NPSR1: variants seen among roughly 807,000 people sequenced by gnomAD.
NPSR1 encodes the protein neuropeptide S receptor 1.
A neutral mutation model predicts 46.9 loss-of-function variants in NPSR1; 48 were observed. The ratio of observed to expected loss-of-function variants is 1.02; its 90% CI spans 0.81 to 1.30. The LOEUF (loss-of-function observed/expected upper bound fraction) is 1.30. Among genes scored for constraint, NPSR1 ranks in the 50% most tolerant of loss-of-function variants. NPSR1 has a pLI of 0.00. For synonymous variants in NPSR1, 176 were observed against 168.1 expected (o/e 1.05, Z -0.36); for missense variants, 450 against 449.5 (o/e 1.00, Z -0.01).
At chr7:34,750,925 C>T (rs999248417) in intron 2 of NPSR1, 3 of 742,012 alleles carry the variant, frequency 4.0e-6, no homozygotes, top group Non-Finnish European at 7.5e-6. Flanking sequence ...ACCCCCAGCT[C>T]GGGGTCTGAC....
chr7:34,809,532 C>T (rs1260452470), intron 3 of NPSR1, among the ~76,000 whole-genome samples: 1 of 145,656 alleles, frequency 6.9e-6, no homozygotes, highest in South Asian at 2.2e-4. Flanking sequence ...GGCGCAATCT[C>T]GGCTCACTGC....
intron 8 of NPSR1, among the ~76,000 whole-genome samples, chr7:34,857,456 C>T (rs1190686225): frequency 6.6e-6 from 1 of 151,650 alleles, no homozygotes; most frequent in Non-Finnish European, 1.5e-5. Flanking sequence ...GAAAGATGCC[C>T]ACATATAGGT....
chr7:34,671,698 T>C (rs1283031612), intron 1 of NPSR1, among the ~76,000 whole-genome samples: 11 of 152,224 alleles, frequency 7.2e-5, no homozygotes, highest in Non-Finnish European at 2.9e-5. Flanking sequence ...TTCCAGACTC[T>C]GTAGCAGGAA....
intron 2 of NPSR1, among the ~76,000 whole-genome samples, chr7:34,726,599 G>C (rs1484099061): frequency 6.6e-6 from 1 of 152,066 alleles, no homozygotes; most frequent in Non-Finnish European, 1.5e-5. Flanking sequence ...GCCAAAACTT[G>C]GAAGCAACCA....
intron 2 of NPSR1, among the ~76,000 whole-genome samples, chr7:34,745,457 T>C (rs949742219): frequency 2.6e-5 from 4 of 152,200 alleles, no homozygotes; most frequent in African/African-American, 4.8e-5. Context: ...ATCTAGTCAA[T>C]TAGAGAATTC....
intron 1 of NPSR1, among the ~76,000 whole-genome samples, chr7:34,682,576 T>C (rs1472181705): frequency 2.6e-5 from 4 of 152,118 alleles, no homozygotes; most frequent in African/African-American, 9.7e-5. Flanking sequence ...GTCCTCCAAA[T>C]TCAAATCACT....
At chr7:34,864,027 G>C (rs1448122987) in intron 8 of NPSR1, among the ~76,000 whole-genome samples, 2 of 151,742 alleles carry the variant, frequency 1.3e-5, no homozygotes, top group Non-Finnish European at 2.9e-5. Context: ...ATACACCATA[G>C]AATACTATGC....
intron 8 of NPSR1, among the ~76,000 whole-genome samples, chr7:34,856,920 A>C (rs1260458185): frequency 1.3e-5 from 2 of 151,518 alleles, no homozygotes; most frequent in East Asian, 1.9e-4. Context: ...TGGGGGGGGA[A>C]ATCTCTTCTA....
intron 5 of NPSR1, 85 bp downstream of exon 5, chr7:34,827,687 A>C: frequency 2.2e-6 from 2 of 889,412 alleles, no homozygotes; most frequent in African/African-American, 1.6e-5. Flanking sequence ...CTCCTCCCCA[A>C]CAGACCCATT....
At chr7:34,746,893 G>A (rs767951690) in intron 2 of NPSR1, among the ~76,000 whole-genome samples, 20 of 152,230 alleles carry the variant, frequency 1.3e-4, no homozygotes, top group Non-Finnish European at 2.6e-4. Context: ...TTGGGAGGCC[G>A]AGGCAGGTGG....
At chr7:34,812,731 T>C (rs894142692) in intron 4 of NPSR1, among the ~76,000 whole-genome samples, 16 of 152,202 alleles carry the variant, frequency 1.1e-4, no homozygotes, top group Admixed American at 1.0e-3. Flanking sequence ...AAAGCCATTG[T>C]TTAGCAACCT....
At chr7:34,863,442 C>A (rs1017399164) in intron 8 of NPSR1, among the ~76,000 whole-genome samples, 2 of 151,724 alleles carry the variant, frequency 1.3e-5, no homozygotes, top group Non-Finnish European at 2.9e-5. Flanking sequence ...AGTGAACAGG[C>A]AACCTACAGA....
intron 8 of NPSR1, among the ~76,000 whole-genome samples, chr7:34,877,268 G>A (rs985782258): frequency 3.9e-5 from 6 of 152,158 alleles, no homozygotes; most frequent in South Asian, 2.1e-4. Flanking sequence ...GGGTGTGGGG[G>A]TGGCAAGAGC....
intron 2 of NPSR1, among the ~76,000 whole-genome samples, chr7:34,773,773 G>A (rs1025060727): frequency 6.6e-6 from 1 of 152,192 alleles, no homozygotes; most frequent in Non-Finnish European, 1.5e-5. Flanking sequence ...CGATTCATGT[G>A]CCCATCATGC....
chr7:34,835,635 C>A (rs768136931), intron 6 of NPSR1, among the ~76,000 whole-genome samples: 7 of 152,106 alleles, frequency 4.6e-5, no homozygotes, highest in Non-Finnish European at 1.0e-4. Context: ...GCACTGATAA[C>A]TTGTGTCTCT....
chr7:34,735,262 T>G (rs1784617091), intron 2 of NPSR1, among the ~76,000 whole-genome samples: 2 of 152,300 alleles, frequency 1.3e-5, no homozygotes, highest in Non-Finnish European at 2.9e-5. Flanking sequence ...GAGGAATGAT[T>G]CATGGGTGAC....
intron 6 of NPSR1, among the ~76,000 whole-genome samples, chr7:34,834,896 C>T (rs1227209778): frequency 1.3e-5 from 2 of 152,234 alleles, no homozygotes; most frequent in Non-Finnish European, 2.9e-5. Flanking sequence ...ATAGAACAAT[C>T]TTGGACCCTT....
chr7:34,702,981 G>T (rs10081224), intron 2 of NPSR1, among the ~76,000 whole-genome samples: 57,231 of 152,064 alleles, frequency 0.38, 11,355 homozygotes, highest in African/African-American at 0.48. Flanking sequence ...AGTAGCTACA[G>T]AATCATAACT....
chr7:34,853,003 A>G (rs1163870536), downstream of NPSR1, among the ~76,000 whole-genome samples: 3 of 152,240 alleles, frequency 2.0e-5, no homozygotes. Context: ...GTTTACTTTC[A>G]CTAAGCAACA....
Sources: allele counts gnomAD v4.1 joint callset (sites outside exome capture counted in the v4.1 genomes callset), GRCh38; gene constraint gnomAD v4.1.1; transcripts MANE v1.5; gene names NCBI Gene and HGNC (gene_info 2026-07-23, HGNC 2026-07-21).